Variants in XRCC4 observed in about 807,000 individuals in gnomAD.
The protein encoded by XRCC4 is X-ray repair cross complementing 4, also known as DNA repair protein XRCC4.
A neutral mutation model predicts 39.1 loss-of-function variants in XRCC4; 28 were observed. The ratio of observed to expected loss-of-function variants is 0.72; its 90% CI spans 0.53 to 0.98. The LOEUF is 0.98. XRCC4 is among the 50% of genes least tolerant of loss of function. XRCC4 has a pLI of 0.00. For missense variants in XRCC4, 350 were observed against 376.4 expected (o/e 0.93, Z 0.58); for synonymous variants, 123 against 126.4 (o/e 0.97, Z 0.18).
chr5:83,094,751 T>C (rs1745598216), intron 1 of XRCC4, among the ~76,000 whole-genome samples: 1 of 151,870 alleles, frequency 6.6e-6, no homozygotes, highest in Non-Finnish European at 1.5e-5. Context: ...AGTGACAAAA[T>C]CATAGTTCAC....
chr5:83,200,267 T>C (rs1751130526), intron 4 of XRCC4, among the ~76,000 whole-genome samples: 1 of 152,200 alleles, frequency 6.6e-6, no homozygotes, highest in Admixed American at 6.5e-5. Context: ...CATGCAACTG[T>C]TCACACTAAT....
At chr5:83,127,947 T>G (rs1233533671) in intron 3 of XRCC4, among the ~76,000 whole-genome samples, 2 of 151,998 alleles carry the variant, frequency 1.3e-5, no homozygotes, top group Admixed American at 6.6e-5. Flanking sequence ...TTAGTTTGTT[T>G]GTTTGTTTGC....
chr5:83,157,889 A>C (rs1363738705), intron 3 of XRCC4, among the ~76,000 whole-genome samples: 1 of 152,112 alleles, frequency 6.6e-6, no homozygotes, highest in East Asian at 1.9e-4. Flanking sequence ...TATGAATGAA[A>C]AATTGTTTAA....
chr5:83,271,146 T>C (rs1489106781), intron 7 of XRCC4, among the ~76,000 whole-genome samples: 1 of 152,202 alleles, frequency 6.6e-6, no homozygotes, highest in African/African-American at 2.4e-5. Flanking sequence ...TCTTGACATT[T>C]ATATTATTTT....
At chr5:83,080,939 A>T (rs912291621) in intron 1 of XRCC4, among the ~76,000 whole-genome samples, 7 of 152,244 alleles carry the variant, frequency 4.6e-5, no homozygotes, top group African/African-American at 1.7e-4. Flanking sequence ...ATTGTGAATA[A>T]GCAAAAAGAA....
At chr5:83,198,397 A>AT (rs1277609749) in intron 4 of XRCC4, among the ~76,000 whole-genome samples, 1 of 152,154 alleles carries the variant, frequency 6.6e-6, no homozygotes, top group Non-Finnish European at 1.5e-5. Flanking sequence ...TGAGAATAAA[A>AT]TAGTTGTGTA....
chr5:83,190,337 C>T (rs903262161), intron 3 of XRCC4, among the ~76,000 whole-genome samples: 2 of 152,028 alleles, frequency 1.3e-5, no homozygotes, highest in Non-Finnish European at 2.9e-5. Flanking sequence ...AGACAATATT[C>T]TGCATTATAA....
chr5:83,291,017 TC>T (rs1754904338), intron 7 of XRCC4, among the ~76,000 whole-genome samples: 1 of 151,914 alleles, frequency 6.6e-6, no homozygotes, highest in African/African-American at 2.4e-5. Context: ...GTGAATACAT[TC>T]TGGTAGAAAA....
intron 3 of XRCC4, among the ~76,000 whole-genome samples, chr5:83,123,482 TATCA>T (rs1747109822): frequency 1.3e-5 from 2 of 152,034 alleles, no homozygotes; most frequent in Non-Finnish European, 2.9e-5. Context: ...TAATCCAGTC[TATCA>T]ATCTGTGTTT....
chr5:83,224,067 G>GT (rs1752197986), intron 6 of XRCC4, among the ~76,000 whole-genome samples: 2 of 151,724 alleles, frequency 1.3e-5, no homozygotes, highest in Admixed American at 1.3e-4. Context: ...TGTGAATAGC[G>GT]TTTTTTAAAA....
At chr5:83,281,189 T>C (rs1163507631) in intron 7 of XRCC4, among the ~76,000 whole-genome samples, 2 of 152,320 alleles carry the variant, frequency 1.3e-5, no homozygotes, top group East Asian at 3.9e-4. Flanking sequence ...TTTTAACCTC[T>C]TTCAAATCTG....
intron 3 of XRCC4, among the ~76,000 whole-genome samples, chr5:83,131,264 T>C (rs1409804513): frequency 6.6e-6 from 1 of 152,184 alleles, no homozygotes; most frequent in Non-Finnish European, 1.5e-5. Context: ...TCAGTTTCCA[T>C]GTAGTTGGCA....
chr5:83,204,029 G>C (rs1167869729), intron 5 of XRCC4, among the ~76,000 whole-genome samples: 3 of 152,156 alleles, frequency 2.0e-5, no homozygotes, highest in Non-Finnish European at 4.4e-5. Flanking sequence ...ACAAAAGTTG[G>C]ATGCATATTT....
intron 3 of XRCC4, among the ~76,000 whole-genome samples, chr5:83,157,602 CA>C (rs1749023360): frequency 2.0e-5 from 3 of 151,862 alleles, no homozygotes; most frequent in Admixed American, 2.0e-4. Flanking sequence ...AGGCTTGCAT[CA>C]GTAAAGCAAA....
intron 3 of XRCC4, among the ~76,000 whole-genome samples, chr5:83,171,799 G>T (rs1467929359): frequency 6.6e-6 from 1 of 152,064 alleles, no homozygotes; most frequent in African/African-American, 2.4e-5. Flanking sequence ...TTGCATTTCA[G>T]TTTCTCCTGC....
intron 3 of XRCC4, among the ~76,000 whole-genome samples, chr5:83,135,508 T>A (rs1203666619): frequency 6.6e-6 from 1 of 152,064 alleles, no homozygotes; most frequent in African/African-American, 2.4e-5. Context: ...TTTGATCTAT[T>A]CATTTATAGT....
rs76550176 is a variant in XRCC4 at position 83,295,033 on chromosome 5, A to G, written c.893+36356A>G. Among the ~76,000 whole-genome samples the G allele has an allele frequency of 3.6e-3, 548 of 152,194 alleles. 11 individuals are homozygous for G. The East Asian group carries it at 0.071, about 20-fold the overall frequency. Reference sequence around the variant, plus strand: ...TATGTTAAGCATTATATCTTAGAAGATTAGTAAATGCTAAATAAGGAAAAG... The same window carrying G: ...TATGTTAAGCATTATATCTTAGAAGGTTAGTAAATGCTAAATAAGGAAAAG... On this transcript the variant is annotated intron_variant, in intron 7 of 7. Transcript: ENST00000396027.
intron 3 of XRCC4, among the ~76,000 whole-genome samples, chr5:83,125,323 T>C (rs1204114878): frequency 6.6e-6 from 1 of 152,254 alleles, no homozygotes; most frequent in African/African-American, 2.4e-5. Context: ...TCTATGCTTT[T>C]GCTTCTGGTG....
intron 3 of XRCC4, among the ~76,000 whole-genome samples, chr5:83,193,154 C>T (rs921791144): frequency 3.9e-5 from 6 of 152,084 alleles, no homozygotes; most frequent in East Asian, 1.9e-4. Flanking sequence ...CATCTAGGCA[C>T]GTGGCCCCTT....
Sources: gnomAD v4.1 joint callset for allele counts (sites outside exome capture counted in the v4.1 genomes callset) on GRCh38, gnomAD v4.1.1 for gene constraint, MANE v1.5 for transcripts, NCBI Gene and HGNC (gene_info 2026-07-23, HGNC 2026-07-21) for gene names.